The following ADARB2 variants were observed in gnomAD, a reference collection of about 807,000 sequenced individuals.
The protein encoded by ADARB2 is inactive double-stranded RNA-specific editase B2.
A neutral mutation model predicts 62.2 loss-of-function variants in ADARB2; 25 were observed. The ratio of observed to expected loss-of-function variants is 0.40; its 90% CI spans 0.29 to 0.56. The LOEUF (loss-of-function observed/expected upper bound fraction) is 0.56, where lower values mean the gene tolerates loss of function less well. ADARB2 is among the 20% of genes least tolerant of loss of function. The pLI is 0.43. For synonymous variants in ADARB2, 572 were observed against 500.8 expected, an observed-to-expected ratio of 1.14 and a Z score of -1.90; for missense variants, 1,071 against 1,077.4, an observed-to-expected ratio of 0.99 and a Z score of 0.08.
At chr10:1,190,991 G>A (rs577526899) in intron 8 of ADARB2, among the ~76,000 whole-genome samples, 21 of 152,266 alleles carry the variant, frequency 1.4e-4, no homozygotes, top group Admixed American at 4.6e-4. Flanking sequence ...CCCACACTTC[G>A]CAGAACAGGG....
chr10:1,535,326 G>A (rs770622749), intron 1 of ADARB2, among the ~76,000 whole-genome samples: 23 of 152,182 alleles, frequency 1.5e-4, no homozygotes, highest in Non-Finnish European at 2.4e-4. Context: ...AGTCTGATTC[G>A]GAGTGGAATG....
intron 1 of ADARB2, among the ~76,000 whole-genome samples, chr10:1,433,061 G>C (rs1830793648): frequency 6.6e-6 from 1 of 152,132 alleles, no homozygotes; most frequent in Non-Finnish European, 1.5e-5. Context: ...AAAAATCCTG[G>C]TCTGGAAAGA....
intron 4 of ADARB2, among the ~76,000 whole-genome samples, chr10:1,247,013 C>A (rs944359220): frequency 1.3e-5 from 2 of 152,042 alleles, no homozygotes; most frequent in Non-Finnish European, 2.9e-5. Flanking sequence ...TTTCATTGAG[C>A]AGTGGTTTGT....
chr10:1,430,687 C>G (rs1213917600), intron 1 of ADARB2, among the ~76,000 whole-genome samples: 1 of 151,962 alleles, frequency 6.6e-6, no homozygotes, highest in East Asian at 1.9e-4. Context: ...TTGCAGTGAG[C>G]TGAGATCATG....
At chr10:1,538,979 A>T (rs1832372476) in intron 1 of ADARB2, among the ~76,000 whole-genome samples, 1 of 152,102 alleles carries the variant, frequency 6.6e-6, no homozygotes, top group South Asian at 2.1e-4. Context: ...CATTCTCACG[A>T]CAGGTGAGGG....
At position 1,682,535 on chromosome 10, in the gene ADARB2, C is replaced by T. The variant is rs187345829; in HGVS notation, c.100+54516G>A. 1.9e-3 allele frequency among the ~76,000 whole-genome samples: 293 copies of T among 152,340 alleles called. 2 individuals are homozygous for T. The highest frequency in any genetic ancestry group is 3.2e-3 in the Admixed American group (49 of 15,308). ...GGGTAGTCTCTTTGCTTCATCCCCTCGGTTGGCCATTCTTTTCTGTGCAAC... is the reference window on the plus strand; with the variant it reads ...GGGTAGTCTCTTTGCTTCATCCCCTTGGTTGGCCATTCTTTTCTGTGCAAC... On this transcript the variant is annotated intron_variant, in intron 1 of 9. Coordinates refer to ENST00000381312, the MANE Select transcript of ADARB2 (RefSeq NM_018702.4).
chr10:1,655,341 C>T (rs1564359639), intron 1 of ADARB2, among the ~76,000 whole-genome samples: 1 of 152,214 alleles, frequency 6.6e-6, no homozygotes, highest in Non-Finnish European at 1.5e-5. Context: ...AGGTTTCACT[C>T]CCAGACTGGC....
chr10:1,433,756 G>A (rs7902844), intron 1 of ADARB2, among the ~76,000 whole-genome samples: 3,705 of 152,230 alleles, frequency 0.024, 116 homozygotes, highest in African/African-American at 0.075. Flanking sequence ...AATGCAGCGC[G>A]GAGATAATTT....
chr10:1,669,768 A>G (rs930993844), intron 1 of ADARB2, among the ~76,000 whole-genome samples: 1 of 151,852 alleles, frequency 6.6e-6, no homozygotes, highest in Admixed American at 6.6e-5. Context: ...ATAGAGAAAA[A>G]CACACAGACA....
intron 2 of ADARB2, among the ~76,000 whole-genome samples, chr10:1,370,061 C>T (rs1465622208): frequency 6.6e-6 from 1 of 152,188 alleles, no homozygotes; most frequent in Non-Finnish European, 1.5e-5. Flanking sequence ...TGCAGACACT[C>T]AGAATGCGTG....
chr10:1,232,956 T>C (rs1057198507), intron 6 of ADARB2, among the ~76,000 whole-genome samples: 4 of 152,026 alleles, frequency 2.6e-5, no homozygotes, highest in Admixed American at 2.0e-4. Context: ...TATATACATA[T>C]ATGTGTGTGA....
At chr10:1,216,761 G>T in intron 7 of ADARB2, 190 bp downstream of exon 7, 1 of 750,276 alleles carries the variant, frequency 1.3e-6, no homozygotes, top group Non-Finnish European at 2.1e-6. Flanking sequence ...AGGGACTCGG[G>T]GTGCCTTGGC....
intron 3 of ADARB2, chr10:1,289,928 C>T (rs1336688151): frequency 6.6e-6 from 1 of 152,068 alleles, no homozygotes; most frequent in East Asian, 1.9e-4. Context: ...GCAGGCACGG[C>T]ATACATAGGC....
intron 1 of ADARB2, among the ~76,000 whole-genome samples, chr10:1,637,821 C>T (rs965015221): frequency 3.9e-5 from 6 of 152,204 alleles, no homozygotes; most frequent in Admixed American, 6.5e-5. Context: ...CCTACTGCTC[C>T]GGGCTGCCTC....
At chr10:1,313,039 C>T (rs1047440414) in intron 3 of ADARB2, among the ~76,000 whole-genome samples, 8 of 152,218 alleles carry the variant, frequency 5.3e-5, no homozygotes, top group East Asian at 1.9e-4. Flanking sequence ...TGGAATTCTT[C>T]GGCCTTTACA....
intron 1 of ADARB2, among the ~76,000 whole-genome samples, chr10:1,410,710 C>T (rs889862317): frequency 4.6e-5 from 7 of 152,086 alleles, no homozygotes; most frequent in African/African-American, 4.8e-5. Flanking sequence ...GACCCCCTGT[C>T]CTCCTTCACT....
intron 1 of ADARB2, among the ~76,000 whole-genome samples, chr10:1,538,741 G>A (rs1588292998): frequency 6.6e-6 from 1 of 152,210 alleles, no homozygotes; most frequent in Non-Finnish European, 1.5e-5. Context: ...TCACAACGTC[G>A]GGGCCATGGG....
At chr10:1,564,670 T>C (rs995604487) in intron 1 of ADARB2, among the ~76,000 whole-genome samples, 4 of 152,064 alleles carry the variant, frequency 2.6e-5, no homozygotes, top group Admixed American at 1.3e-4. Context: ...ATGCTCACCA[T>C]CACTGGCCAT....
At chr10:1,610,001 C>G (rs1341038655) in intron 1 of ADARB2, among the ~76,000 whole-genome samples, 1 of 152,168 alleles carries the variant, frequency 6.6e-6, no homozygotes, top group Non-Finnish European at 1.5e-5. Context: ...CAAAGGTGCC[C>G]AGAGACCTTC....
Sources: allele counts gnomAD v4.1 joint callset (sites outside exome capture counted in the v4.1 genomes callset), GRCh38; gene constraint gnomAD v4.1.1; transcripts MANE v1.5; gene names NCBI Gene and HGNC (gene_info 2026-07-23, HGNC 2026-07-21).